ALDH1A1: variants seen among roughly 807,000 people sequenced by gnomAD.
The protein encoded by ALDH1A1 is aldehyde dehydrogenase 1A1.
In ALDH1A1, 19 loss-of-function variants were observed where a neutral mutation model predicts 62.1. The ratio of observed to expected loss-of-function variants is 0.31; its 90% CI spans 0.21 to 0.45. ALDH1A1 has a LOEUF of 0.45. Ranked by LOEUF, ALDH1A1 falls within the 20% of genes least tolerant of loss-of-function variation. The pLI is 1.00. For missense variants in ALDH1A1, 521 were observed against 607.1 expected (o/e 0.86, Z 1.49); for synonymous variants, 231 against 215.9 (o/e 1.07, Z -0.61).
intron 2 of ALDH1A1, among the ~76,000 whole-genome samples, chr9:72,937,790 T>C (rs1830362996): frequency 6.6e-6 from 1 of 152,194 alleles, no homozygotes; most frequent in Non-Finnish European, 1.5e-5. Context: ...GTGCACTTTT[T>C]CCCACAGACA....
At chr9:72,902,545 A>T (rs1225252647) in intron 12 of ALDH1A1, among the ~76,000 whole-genome samples, 1 of 152,046 alleles carries the variant, frequency 6.6e-6, no homozygotes, top group Non-Finnish European at 1.5e-5. Flanking sequence ...CAGTTGTCTG[A>T]AACCCATTAA....
At chr9:72,925,337 C>G in intron 6 of ALDH1A1, 147 bp downstream of exon 6, 1 of 894,594 alleles carries the variant, frequency 1.1e-6, no homozygotes, top group Non-Finnish European at 1.6e-6. Flanking sequence ...CCAGAAATTG[C>G]AGCCAGCCGT....
At chr9:72,926,892 T>C (rs1830218742) in intron 5 of ALDH1A1, 1 of 435,034 alleles carries the variant, frequency 2.3e-6, no homozygotes, top group African/African-American at 2.0e-5. Flanking sequence ...TGATGTAGTA[T>C]TAAAACATTC....
intron 9 of ALDH1A1, among the ~76,000 whole-genome samples, chr9:72,914,863 G>A (rs1321172055): frequency 6.6e-6 from 1 of 151,712 alleles, no homozygotes; most frequent in Non-Finnish European, 1.5e-5. Context: ...CCTTTTTGAT[G>A]TTATATTTAA....
intron 9 of ALDH1A1, among the ~76,000 whole-genome samples, chr9:72,914,991 C>A (rs1421711897): frequency 2.6e-5 from 4 of 152,028 alleles, no homozygotes; most frequent in African/African-American, 4.8e-5. Flanking sequence ...TTTCTCCTAA[C>A]AATAGATGAA....
chr9:72,909,496 A>G, intron 11 of ALDH1A1, 106 bp downstream of exon 11: 1 of 1,137,866 alleles, frequency 8.8e-7, no homozygotes, highest in Non-Finnish European at 1.2e-6. Flanking sequence ...CTTTTCTAGA[A>G]GGATAGGTAA....
At chr9:72,932,294 A>C (rs1480167688) in intron 2 of ALDH1A1, among the ~76,000 whole-genome samples, 1 of 152,180 alleles carries the variant, frequency 6.6e-6, no homozygotes. Context: ...AATTGTACAC[A>C]ATTAAGCTAA....
chr9:72,916,335 G>C (rs1461552162), intron 9 of ALDH1A1, among the ~76,000 whole-genome samples: 1 of 151,966 alleles, frequency 6.6e-6, no homozygotes, highest in Admixed American at 6.6e-5. Context: ...CTTTGGATAA[G>C]AGAGAGAGAG....
At chr9:72,908,579 GAAAGAAAGAAAGA>G (rs1235865614) in intron 11 of ALDH1A1, among the ~76,000 whole-genome samples, 1 of 125,770 alleles carries the variant, frequency 8.0e-6, no homozygotes, top group Non-Finnish European at 1.7e-5. Context: ...AAGAAAGAAA[GAAAGAAAGAAAGA>G]AAGAAAGAAA....
At chr9:72,940,496 GAGAAAACAATCT>G (rs1189418666) in intron 1 of ALDH1A1, among the ~76,000 whole-genome samples, 1 of 152,092 alleles carries the variant, frequency 6.6e-6, no homozygotes, top group African/African-American at 2.4e-5. Flanking sequence ...ATACATACTG[GAGAAAACAATCT>G]AGAAAACAAT....
intron 2 of ALDH1A1, 136 bp downstream of exon 2, chr9:72,940,012 G>T: frequency 3.8e-6 from 2 of 520,700 alleles, no homozygotes; most frequent in Non-Finnish European, 3.4e-6. Flanking sequence ...GGACAACTTA[G>T]ACAATTTTCC....
At chr9:72,902,089 T>C (rs112345681) in intron 12 of ALDH1A1, among the ~76,000 whole-genome samples, 2 of 152,186 alleles carry the variant, frequency 1.3e-5, no homozygotes, top group African/African-American at 4.8e-5. Flanking sequence ...CCTACCATTT[T>C]CTTGTATAAC....
chr9:72,922,640 A>G (rs1189782011), intron 7 of ALDH1A1, among the ~76,000 whole-genome samples: 1 of 152,234 alleles, frequency 6.6e-6, no homozygotes, highest in Non-Finnish European at 1.5e-5. Context: ...ATTCAAAGCC[A>G]TCCCTGGCCA....
chr9:72,913,309 A>G (rs1371010004), intron 9 of ALDH1A1, among the ~76,000 whole-genome samples: 1 of 152,194 alleles, frequency 6.6e-6, no homozygotes. Flanking sequence ...TTAGTGCAAT[A>G]TTTAATATAA....
chr9:72,902,971 A>C (rs1829826519), intron 12 of ALDH1A1, among the ~76,000 whole-genome samples: 1 of 152,006 alleles, frequency 6.6e-6, no homozygotes, highest in Non-Finnish European at 1.5e-5. Flanking sequence ...CACTGTAAAA[A>C]AAAAAAAGGC....
At chr9:72,914,631 G>A (rs1830037260) in intron 9 of ALDH1A1, among the ~76,000 whole-genome samples, 14 of 151,934 alleles carry the variant, frequency 9.2e-5, no homozygotes. Context: ...ATTTTTCCAA[G>A]TTTAAGACAA....
At chr9:72,929,532 A>G (rs1830254036) in intron 3 of ALDH1A1, among the ~76,000 whole-genome samples, 1 of 152,228 alleles carries the variant, frequency 6.6e-6, no homozygotes, top group African/African-American at 2.4e-5. Context: ...AATTTCCTTC[A>G]GCAGAATTTT....
chr9:72,930,328 C>T (rs1386784261), intron 3 of ALDH1A1, among the ~76,000 whole-genome samples: 3 of 151,670 alleles, frequency 2.0e-5, no homozygotes, highest in African/African-American at 4.8e-5. Context: ...TTATTTTTTG[C>T]CTCTTTCATC....
At chr9:72,937,624 G>A (rs1266623280) in intron 2 of ALDH1A1, among the ~76,000 whole-genome samples, 1 of 152,142 alleles carries the variant, frequency 6.6e-6, no homozygotes, top group Non-Finnish European at 1.5e-5. Flanking sequence ...TAGGTCCTGA[G>A]GACTACACTG....
Sources: gnomAD v4.1 joint callset for allele counts (sites outside exome capture counted in the v4.1 genomes callset) on GRCh38, gnomAD v4.1.1 for gene constraint, MANE v1.5 for transcripts, NCBI Gene and HGNC (gene_info 2026-07-23, HGNC 2026-07-21) for gene names.